THOC2: variants seen among roughly 807,000 people sequenced by gnomAD.
THOC2 encodes THO complex 2.
A neutral mutation model predicts 128.4 loss-of-function variants in THOC2; 10 were observed. The observed-to-expected ratio is 0.08, with a 90% CI of 0.05 to 0.13. The LOEUF (loss-of-function observed/expected upper bound fraction) is 0.13. Ranked by LOEUF, THOC2 falls within the 10% of genes least tolerant of loss-of-function variation. THOC2 has a pLI of 1.00. For missense variants in THOC2, 535 were observed against 1,155.7 expected, an observed-to-expected ratio of 0.46 and a Z score of 7.79; for synonymous variants, 393 against 396.9, an observed-to-expected ratio of 0.99 and a Z score of 0.12.
intron 7 of THOC2, among the ~76,000 whole-genome samples, chrX:123,693,463 C>T (rs765853352): frequency 2.7e-5 from 3 of 111,501 alleles, no homozygotes; most frequent in Non-Finnish European, 5.6e-5. Flanking sequence ...AAGACTCTGT[C>T]TCAAAAAAAT....
chrX:123,616,338 C>T (rs1319832019), intron 33 of THOC2, among the ~76,000 whole-genome samples: 1 of 111,068 alleles, frequency 9.0e-6, no homozygotes, highest in African/African-American at 3.3e-5. Context: ...ATACTCAATA[C>T]AAGTTTGACA....
intron 8 of THOC2, among the ~76,000 whole-genome samples, chrX:123,677,155 A>G (rs144950373): frequency 8.9e-6 from 1 of 111,874 alleles, no homozygotes; most frequent in South Asian, 3.8e-4. Flanking sequence ...TAACACAATG[A>G]TAAGTGTTTG....
intron 18 of THOC2, 31 bp from the exon 19 acceptor site, chrX:123,636,206 C>T (rs776403436): frequency 5.5e-6 from 6 of 1,083,122 alleles, no homozygotes; most frequent in Admixed American, 2.4e-5. Context: ...GTAAAAACAA[C>T]TCATAAAACA....
chrX:123,726,846 G>A (rs1204486192), intron 1 of THOC2, among the ~76,000 whole-genome samples: 2 of 112,076 alleles, frequency 1.8e-5, no homozygotes, highest in Non-Finnish European at 3.8e-5. Flanking sequence ...CCATTGAAAG[G>A]TTATTACAAT....
chrX:123,639,144 T>C (rs985623936), intron 16 of THOC2, 117 bp from the exon 17 acceptor site: 41 of 327,947 alleles, frequency 1.3e-4, no homozygotes, highest in African/African-American at 9.4e-4. Flanking sequence ...ATAATTAAAG[T>C]GGTTTCCTAT....
At chrX:123,667,314 TAC>T (rs1569399949) in intron 10 of THOC2, 36 bp from the exon 11 acceptor site, 17 of 1,038,634 alleles carry the variant, frequency 1.6e-5, no homozygotes, top group Non-Finnish European at 2.0e-5. Context: ...ATACTCAGGA[TAC>T]AGACATCAAG....
Position 123,732,817 on chromosome X carries a change from G to A in THOC2, c.71+135C>T, listed in dbSNP as rs368237318. On this transcript the variant is annotated intron_variant, in intron 1 of 38. Coordinates refer to ENST00000245838, the MANE Select transcript of THOC2 (RefSeq NM_001081550.2). ...CCTCTCCCCGAGTTCGAAACTCCTA[G>A]ACGACCATCCACGCCCGCCGCCCGG... 1,539 of 661,769 alleles carry A rather than the reference G, an allele frequency of 2.3e-3. 14 individuals carry two copies. The South Asian group carries it at 0.034, about 15-fold the overall frequency. 54.5% of individuals were successfully genotyped at this position (661,769 alleles called of 1,213,427 possible).
chrX:123,660,803 TG>T (rs1236679865), intron 12 of THOC2, among the ~76,000 whole-genome samples: 2 of 112,352 alleles, frequency 1.8e-5, no homozygotes, highest in Non-Finnish European at 3.8e-5. Context: ...ATCCCATTAC[TG>T]GGTATTTATC....
intron 1 of THOC2, among the ~76,000 whole-genome samples, chrX:123,724,300 G>C (rs2051844511): frequency 8.9e-6 from 1 of 111,812 alleles, no homozygotes; most frequent in Non-Finnish European, 1.9e-5. Flanking sequence ...AGGATGAGCA[G>C]GGTAAGGTTA....
At chrX:123,719,520 C>T (rs1279515498) in intron 1 of THOC2, among the ~76,000 whole-genome samples, 1 of 109,310 alleles carries the variant, frequency 9.1e-6, no homozygotes, top group Non-Finnish European at 1.9e-5. Context: ...CCTAGCAAGA[C>T]TCCATCTCTA....
intron 1 of THOC2, among the ~76,000 whole-genome samples, chrX:123,718,738 A>G (rs762802527): frequency 5.4e-5 from 6 of 110,141 alleles, no homozygotes; most frequent in Non-Finnish European, 9.5e-5. Context: ...CAACCTAGGC[A>G]ACAGAGCGAG....
At chrX:123,703,527 C>T (rs1180261775) in intron 3 of THOC2, 22 bp from the exon 4 acceptor site, 2 of 1,013,341 alleles carry the variant, frequency 2.0e-6, no homozygotes, top group African/African-American at 1.9e-5. Flanking sequence ...AATATAATTA[C>T]AATAAATAGC....
rs952158895 is a variant in THOC2, at chrX:123,621,135, G to A, written c.4216+22C>T. 1.4e-5 allele frequency: 16 copies of A among 1,183,648 alleles called. No homozygotes were observed. The Middle Eastern group carries it at 7.1e-4, about 53-fold the overall frequency. ...CATTAAAATAACAAAACGTAAGAAC[G>A]TATAAAGAAAGGTAAACTTGCCCCT... On this transcript the variant is annotated intron_variant, in intron 31 of 38. Coordinates refer to ENST00000245838, the MANE Select transcript of THOC2 (RefSeq NM_001081550.2).
chrX:123,685,120 T>TA (rs2049951998), intron 8 of THOC2, among the ~76,000 whole-genome samples: 1 of 112,560 alleles, frequency 8.9e-6, no homozygotes, highest in Non-Finnish European at 1.9e-5. Context: ...TCCTAAAACA[T>TA]AGATCACTCG....
chrX:123,621,731 C>CT (rs2047088688), intron 30 of THOC2, 144 bp from the exon 31 acceptor site: 1 of 471,697 alleles, frequency 2.1e-6, no homozygotes, highest in Non-Finnish European at 3.3e-6. Context: ...TAAAGGACAA[C>CT]TTTAAGACAA....
At chrX:123,642,369 G>A (rs368515923) in intron 15 of THOC2, among the ~76,000 whole-genome samples, 6 of 106,345 alleles carry the variant, frequency 5.6e-5, no homozygotes, top group African/African-American at 2.1e-4. Context: ...AGGTTGCAGT[G>A]AGCCAAGATC....
chrX:123,670,241 C>T (rs900009690), intron 9 of THOC2, among the ~76,000 whole-genome samples: 1 of 112,300 alleles, frequency 8.9e-6, no homozygotes, highest in Non-Finnish European at 1.9e-5. Flanking sequence ...CTATTCCATC[C>T]TCATTCCCCC....
At chrX:123,629,997 T>C (rs947854765) in intron 22 of THOC2, among the ~76,000 whole-genome samples, 14 of 111,990 alleles carry the variant, frequency 1.3e-4, no homozygotes, top group Non-Finnish European at 2.6e-4. Context: ...TTTATAGGTA[T>C]GAGAGGGTTA....
chrX:123,665,765 A>G lies in THOC2; in HGVS notation c.1263T>C (p.Ala421=), dbSNP rs780251566. The G allele has an allele frequency of 1.0e-5, 12 of 1,202,366 alleles. No homozygotes were observed. The African/African-American group carries it at 2.1e-4, about 21-fold the overall frequency. Residue 421 remains alanine (A), a synonymous_variant, in exon 12 of 39, where the codon GCT becomes GCC. Transcript: ENST00000245838. ...CTCTCCTCAAATCTTCAAAGCTCTCAGCTTGTTTTGGTGCTCTCTTGTTTT... is the reference window on the plus strand; with the variant it reads ...CTCTCCTCAAATCTTCAAAGCTCTCGGCTTGTTTTGGTGCTCTCTTGTTTT... The part of the protein sequence containing the change: ...ALQNKRAPKQ[A]ESFEDLRRDV...
Sources: gnomAD v4.1 joint callset for allele counts (sites outside exome capture counted in the v4.1 genomes callset) on GRCh38, gnomAD v4.1.1 for gene constraint, MANE v1.5 for transcripts, NCBI Gene and HGNC (gene_info 2026-07-23, HGNC 2026-07-21) for gene names.